The following SCFD2 variants were observed in gnomAD, a reference collection of about 807,000 sequenced individuals.
SCFD2 encodes sec1 family domain containing 2.
SCFD2 carries 54 observed loss-of-function variants against 58.9 expected under a neutral mutation model. That is an observed-to-expected ratio of 0.92 (90% CI 0.74 to 1.15). SCFD2 has a LOEUF of 1.15. Ranked by LOEUF, SCFD2 falls within the 50% of genes most tolerant of loss-of-function variation. SCFD2 has a pLI of 0.00. For synonymous variants in SCFD2, 321 were observed against 335.9 expected, an observed-to-expected ratio of 0.96 and a Z score of 0.49; for missense variants, 805 against 836.6, an observed-to-expected ratio of 0.96 and a Z score of 0.47.
chr4:53,185,371 A>G (rs1165339386), intron 4 of SCFD2, among the ~76,000 whole-genome samples: 1 of 152,114 alleles, frequency 6.6e-6, no homozygotes, highest in Non-Finnish European at 1.5e-5. Context: ...ATATTACAGA[A>G]GTAAGTAACT....
At chr4:53,228,098 T>C (rs367933552) in intron 4 of SCFD2, among the ~76,000 whole-genome samples, 2 of 152,166 alleles carry the variant, frequency 1.3e-5, no homozygotes, top group African/African-American at 4.8e-5. Flanking sequence ...GGAACAAGGA[T>C]AGTTCCTAGA....
chr4:53,228,728 T>C (rs867444552), intron 4 of SCFD2, among the ~76,000 whole-genome samples: 4 of 152,118 alleles, frequency 2.6e-5, no homozygotes, highest in East Asian at 1.9e-4. Context: ...GGATGCCCTC[T>C]CTCACCACTC....
intron 5 of SCFD2, among the ~76,000 whole-genome samples, chr4:52,961,976 G>A (rs908868879): frequency 2.0e-5 from 3 of 152,326 alleles, no homozygotes; most frequent in South Asian, 2.1e-4. Context: ...CTGACCCCAC[G>A]TTGGTGACTG....
chr4:53,089,094 G>T (rs191008309), intron 5 of SCFD2, among the ~76,000 whole-genome samples: 2 of 152,116 alleles, frequency 1.3e-5, no homozygotes, highest in Non-Finnish European at 2.9e-5. Flanking sequence ...CTGGCACTTT[G>T]ATATAGGAAT....
intron 7 of SCFD2, among the ~76,000 whole-genome samples, chr4:52,906,305 T>C (rs1036898012): frequency 6.6e-6 from 1 of 152,100 alleles, no homozygotes; most frequent in African/African-American, 2.4e-5. Context: ...TATTTTAGTC[T>C]CTCTTCAGGG....
intron 2 of SCFD2, among the ~76,000 whole-genome samples, chr4:53,336,814 C>T (rs1297357936): frequency 6.6e-6 from 1 of 152,194 alleles, no homozygotes; most frequent in Non-Finnish European, 1.5e-5. Context: ...TGCACCCAGC[C>T]AGTTTTCTCA....
intron 5 of SCFD2, among the ~76,000 whole-genome samples, chr4:53,129,549 C>A (rs1182728467): frequency 6.6e-6 from 1 of 152,152 alleles, no homozygotes; most frequent in African/African-American, 2.4e-5. Flanking sequence ...AAGCCTAGAG[C>A]CTGTTGCATC....
chr4:52,895,226 T>G (rs1718976463), intron 7 of SCFD2, among the ~76,000 whole-genome samples: 1 of 152,090 alleles, frequency 6.6e-6, no homozygotes, highest in African/African-American at 2.4e-5. Context: ...AACGTACAGG[T>G]TTGTTACATA....
intron 5 of SCFD2, among the ~76,000 whole-genome samples, chr4:52,931,520 C>T (rs919078329): frequency 7.2e-5 from 11 of 152,212 alleles, no homozygotes; most frequent in Admixed American, 7.2e-4. Flanking sequence ...CCACCACCCC[C>T]CTCCGCCTCC....
chr4:52,901,319 A>C (rs966168422), intron 7 of SCFD2, among the ~76,000 whole-genome samples: 2 of 152,182 alleles, frequency 1.3e-5, no homozygotes, highest in African/African-American at 4.8e-5. Context: ...CAAGAGGAAG[A>C]GTGCAGGTCC....
At chr4:53,192,068 T>G (rs940879190) in intron 4 of SCFD2, among the ~76,000 whole-genome samples, 3 of 152,170 alleles carry the variant, frequency 2.0e-5, no homozygotes, top group African/African-American at 7.2e-5. Flanking sequence ...TCTTGAAAAT[T>G]AACAAATTTC....
chr4:53,098,184 T>G (rs1724717883), intron 5 of SCFD2, among the ~76,000 whole-genome samples: 1 of 152,312 alleles, frequency 6.6e-6, no homozygotes, highest in East Asian at 1.9e-4. Flanking sequence ...TCTCTTTTTT[T>G]GTTGTGTCTC....
chr4:53,044,626 TCCCTCCC>T, intron 5 of SCFD2, among the ~76,000 whole-genome samples: 1 of 5,874 alleles, frequency 1.7e-4, no homozygotes, highest in Non-Finnish European at 5.0e-4. Context: ...CCTTCTTCCC[TCCCTCCC>T]TCCTTTTTTC....
intron 4 of SCFD2, among the ~76,000 whole-genome samples, chr4:53,250,916 G>C (rs1367685004): frequency 6.6e-6 from 1 of 152,094 alleles, no homozygotes. Context: ...GAAGGAAATA[G>C]AGACACAAAA....
chr4:53,127,674 C>T (rs1248134297), intron 5 of SCFD2, among the ~76,000 whole-genome samples: 9 of 152,246 alleles, frequency 5.9e-5, no homozygotes, highest in Admixed American at 5.2e-4. Flanking sequence ...TTGCAGAGAA[C>T]TGCTCTTGCA....
At chr4:53,132,412 G>A (rs10003612) in intron 5 of SCFD2, among the ~76,000 whole-genome samples, 67,624 of 152,010 alleles carry the variant, frequency 0.44, 15,362 homozygotes, top group South Asian at 0.53. Context: ...ACCAAACAAC[G>A]TTGCAAACCA....
At chr4:53,140,154 A>G (rs1320455186) in intron 5 of SCFD2, among the ~76,000 whole-genome samples, 1 of 151,464 alleles carries the variant, frequency 6.6e-6, no homozygotes. Flanking sequence ...CTATTGTCCT[A>G]TGACCCTGCC....
chr4:53,034,222 A>G (rs1206259712), intron 5 of SCFD2, among the ~76,000 whole-genome samples: 1 of 151,946 alleles, frequency 6.6e-6, no homozygotes, highest in Non-Finnish European at 1.5e-5. Context: ...CACAATCACT[A>G]TATGATTATC....
chr4:53,230,214 C>T (rs896450067), intron 4 of SCFD2, among the ~76,000 whole-genome samples: 66 of 152,218 alleles, frequency 4.3e-4, no homozygotes, highest in Non-Finnish European at 8.7e-4. Context: ...GTCAGTGTGG[C>T]GATTCCTCAG....
Sources: gnomAD v4.1 joint callset for allele counts (sites outside exome capture counted in the v4.1 genomes callset) on GRCh38, gnomAD v4.1.1 for gene constraint, MANE v1.5 for transcripts, NCBI Gene and HGNC (gene_info 2026-07-23, HGNC 2026-07-21) for gene names.